The following PTPRD variants were observed in gnomAD, a reference collection of about 807,000 sequenced individuals.
PTPRD encodes receptor-type tyrosine-protein phosphatase delta.
In PTPRD, 34 loss-of-function variants were observed where a neutral mutation model predicts 214.5. The observed-to-expected ratio is 0.16, with a 90% CI of 0.12 to 0.21. The LOEUF (loss-of-function observed/expected upper bound fraction) is 0.21. Among genes scored for constraint, PTPRD ranks in the 10% least tolerant of loss-of-function variants. The probability of loss-of-function intolerance (pLI) is 1.00; values close to 1 mark genes in which losing one functional copy is unlikely to be tolerated. For missense variants in PTPRD, 2,545 were observed against 2,398.7 expected (o/e 1.06, Z -1.27); for synonymous variants, 1,128 against 845.7 (o/e 1.33, Z -5.79).
At chr9:10,457,136 C>A (rs866586400) in intron 2 of PTPRD, among the ~76,000 whole-genome samples, 13 of 151,984 alleles carry the variant, frequency 8.6e-5, no homozygotes, top group Admixed American at 4.6e-4. Flanking sequence ...CTGACGTGCA[C>A]ATATCTTAAA....
At chr9:10,530,597 G>A (rs702129) in intron 2 of PTPRD, among the ~76,000 whole-genome samples, 108,217 of 151,964 alleles carry the variant, frequency 0.71, 38,910 homozygotes, top group East Asian at 0.9. Flanking sequence ...CTGCAATAGT[G>A]AGCTGTGTGT....
At chr9:8,821,001 C>T (rs1376363362) in intron 11 of PTPRD, among the ~76,000 whole-genome samples, 1 of 152,158 alleles carries the variant, frequency 6.6e-6, no homozygotes. Flanking sequence ...ATTAGTCGCA[C>T]TTGAAACTTT....
intron 9 of PTPRD, among the ~76,000 whole-genome samples, chr9:9,235,236 G>A (rs1024372491): frequency 1.3e-5 from 2 of 151,992 alleles, no homozygotes; most frequent in Non-Finnish European, 2.9e-5. Flanking sequence ...GAACAACATG[G>A]GGGTAATCAG....
intron 3 of PTPRD, among the ~76,000 whole-genome samples, chr9:10,239,766 T>C (rs979605518): frequency 2.0e-5 from 3 of 151,840 alleles, no homozygotes; most frequent in Admixed American, 2.0e-4. Flanking sequence ...GATAACGCAA[T>C]CTGAAGGCCT....
intron 9 of PTPRD, among the ~76,000 whole-genome samples, chr9:9,396,852 G>A (rs2068030047): frequency 6.6e-6 from 1 of 151,958 alleles, no homozygotes; most frequent in South Asian, 2.1e-4. Context: ...GAAAATACCA[G>A]TTTACCAGTA....
In PTPRD at chr9:9,091,640, G is replaced by C. The variant is rs539876444; in HGVS notation, c.-142-72905C>G. On this transcript the variant is annotated intron_variant, in intron 10 of 45. Transcript: ENST00000381196. The stretch of plus-strand genomic sequence containing the variant: ...AGTATTTGTGGAATGAGAAGTAAGT[G>C]AACAGTCACAGAGAATGACTTGGAC... Among the ~76,000 whole-genome samples, 265 of 152,276 alleles carry C rather than the reference G, an allele frequency of 1.7e-3. 1 individual carries two copies. The highest frequency in any genetic ancestry group is 6.8e-3 in the Middle Eastern group (2 of 294).
chr9:9,084,055 A>G (rs554517945), intron 10 of PTPRD, among the ~76,000 whole-genome samples: 73 of 152,312 alleles, frequency 4.8e-4, no homozygotes, highest in African/African-American at 1.6e-3. Flanking sequence ...ATTTCTGGGT[A>G]TATACCCAAA....
At chr9:10,451,118 G>A (rs1291961559) in intron 2 of PTPRD, among the ~76,000 whole-genome samples, 1 of 151,734 alleles carries the variant, frequency 6.6e-6, no homozygotes, top group African/African-American at 2.4e-5. Context: ...TTAAGTATAC[G>A]TATTTTGATA....
chr9:9,400,744 T>A (rs1159442450), intron 8 of PTPRD, among the ~76,000 whole-genome samples: 1 of 152,080 alleles, frequency 6.6e-6, no homozygotes, highest in African/African-American at 2.4e-5. Context: ...CTAGTGATGC[T>A]GGTAAGAGTG....
intron 44 of PTPRD, 44 bp from the exon 45 acceptor site, chr9:8,320,010 A>T: frequency 1.9e-6 from 3 of 1,598,088 alleles, no homozygotes; most frequent in Non-Finnish European, 2.6e-6. Flanking sequence ...AGATGTTCAC[A>T]GTCTTGGCCA....
At chr9:10,209,309 A>T (rs555400748) in intron 3 of PTPRD, among the ~76,000 whole-genome samples, 1 of 152,226 alleles carries the variant, frequency 6.6e-6, no homozygotes, top group African/African-American at 2.4e-5. Flanking sequence ...ATATAACAGT[A>T]AATTTTTGAA....
intron 43 of PTPRD, among the ~76,000 whole-genome samples, chr9:8,336,829 C>A (rs771744639): frequency 1.5e-4 from 23 of 151,996 alleles, no homozygotes; most frequent in Non-Finnish European, 1.9e-4. Flanking sequence ...GACACCGATG[C>A]GGCAGACAAA....
At chr9:10,453,536 C>A (rs891789500) in intron 2 of PTPRD, among the ~76,000 whole-genome samples, 4 of 151,354 alleles carry the variant, frequency 2.6e-5, no homozygotes, top group African/African-American at 9.7e-5. Flanking sequence ...TAAATGTATT[C>A]CTAAGTATTT....
intron 14 of PTPRD, among the ~76,000 whole-genome samples, chr9:8,551,237 A>G (rs546122822): frequency 6.6e-6 from 1 of 152,324 alleles, no homozygotes; most frequent in Admixed American, 6.5e-5. Flanking sequence ...TAGCACAAAC[A>G]TATTTTGTAA....
At chr9:9,991,832 C>CCACACACACA (rs56267970) in intron 4 of PTPRD, among the ~76,000 whole-genome samples, 89 of 147,632 alleles carry the variant, frequency 6.0e-4, no homozygotes, top group South Asian at 2.0e-3. Flanking sequence ...TTCAACAGCA[C>CCACACACACA]CACACACACA....
chr9:8,526,618 C>G lies in PTPRD; in HGVS notation c.568+9G>C. On this transcript the variant is annotated intron_variant, in intron 17 of 45. Coordinates refer to ENST00000381196, the MANE Select transcript of PTPRD (RefSeq NM_002839.4). ...GATCATTCTGTGAACGTTAGTTCAG[C>G]ACTCTTACCTCTTATTGGTGTACCA... The G allele has an allele frequency of 6.3e-7, 1 of 1,578,566 alleles. No homozygotes were observed. Among genetic ancestry groups the G allele is most frequent in the Non-Finnish European group, 8.6e-7 (1 of 1,160,914 alleles).
intron 2 of PTPRD, among the ~76,000 whole-genome samples, chr9:10,586,605 T>C (rs76192663): frequency 0.019 from 2,842 of 152,214 alleles, 87 homozygotes; most frequent in African/African-American, 0.063. Context: ...TGTTCTTATA[T>C]GTCTTTCATC....
At chr9:8,453,196 C>G (rs1183819584) in intron 33 of PTPRD, among the ~76,000 whole-genome samples, 1 of 152,200 alleles carries the variant, frequency 6.6e-6, no homozygotes, top group Non-Finnish European at 1.5e-5. Context: ...CGGAGTCCCA[C>G]TCTGTCGCCC....
intron 7 of PTPRD, among the ~76,000 whole-genome samples, chr9:9,719,189 C>A (rs1382954255): frequency 6.6e-6 from 1 of 152,136 alleles, no homozygotes; most frequent in Non-Finnish European, 1.5e-5. Context: ...TGAGGATGAC[C>A]TGCCTGCAGA....
Sources: allele counts gnomAD v4.1 joint callset (sites outside exome capture counted in the v4.1 genomes callset), GRCh38; gene constraint gnomAD v4.1.1; transcripts MANE v1.5; gene names NCBI Gene and HGNC (gene_info 2026-07-23, HGNC 2026-07-21).